Variants in HK1 observed in about 807,000 individuals in gnomAD.
HK1 encodes the protein hexokinase-1.
Under a neutral mutation model 91.6 loss-of-function variants are expected in HK1, and 28 were observed. That is an observed-to-expected ratio of 0.31 (90% CI 0.23 to 0.42). HK1 has a LOEUF of 0.42. HK1 is among the 10% of genes least tolerant of loss of function. The pLI is 1.00. For synonymous variants in HK1, 430 were observed against 468.1 expected, an observed-to-expected ratio of 0.92 and a Z score of 1.05; for missense variants, 770 against 1,219.8, an observed-to-expected ratio of 0.63 and a Z score of 5.49.
upstream of HK1, among the ~76,000 whole-genome samples, chr10:69,317,863 CA>C: frequency 6.6e-6 from 1 of 152,354 alleles, no homozygotes; most frequent in Admixed American, 6.5e-5. Context: ...GCTTCCGGAA[CA>C]CAGAAATAAT....
At chr10:69,346,582 G>A (rs1848574780) in intron 2 of HK1, among the ~76,000 whole-genome samples, 1 of 151,612 alleles carries the variant, frequency 6.6e-6, no homozygotes, top group South Asian at 2.1e-4. Context: ...ATGTTGCCCA[G>A]ACTGGTCTTG....
chr10:69,323,194 A>G (rs573525665), intron 1 of HK1, among the ~76,000 whole-genome samples: 2 of 151,330 alleles, frequency 1.3e-5, no homozygotes, highest in South Asian at 2.1e-4. Flanking sequence ...TGCATGAGCC[A>G]GGATCATGCC....
At chr10:69,276,309 G>C (rs1477490242) in intron 1 of HK1, among the ~76,000 whole-genome samples, 1 of 151,646 alleles carries the variant, frequency 6.6e-6, no homozygotes, top group Non-Finnish European at 1.5e-5. Context: ...ATTTGTCAGA[G>C]TATTTCTGTA....
At chr10:69,330,648 C>T (rs941330370) in intron 1 of HK1, among the ~76,000 whole-genome samples, 3 of 152,026 alleles carry the variant, frequency 2.0e-5, no homozygotes, top group Admixed American at 1.3e-4. Flanking sequence ...CCCTTCTTCC[C>T]TGATGCAGAC....
At chr10:69,295,354 C>T (rs935790814) in intron 3 of HK1, among the ~76,000 whole-genome samples, 1 of 152,210 alleles carries the variant, frequency 6.6e-6, no homozygotes, top group Non-Finnish European at 1.5e-5. Context: ...CCACGGTTGT[C>T]TTTCATCTTG....
chr10:69,275,259 G>A (rs574274431), intron 1 of HK1, among the ~76,000 whole-genome samples: 5 of 150,396 alleles, frequency 3.3e-5, no homozygotes, highest in African/African-American at 1.2e-4. Flanking sequence ...GGTGGCTCAC[G>A]CCTGTAATCT....
At chr10:69,313,743 C>T (rs1288292711), upstream of HK1, among the ~76,000 whole-genome samples, 2 of 152,170 alleles carry the variant, frequency 1.3e-5, no homozygotes, top group African/African-American at 2.4e-5. Flanking sequence ...GATCCGTCTG[C>T]CTCAGCCTCC....
At chr10:69,284,571 C>T (rs768602402) in intron 2 of HK1, among the ~76,000 whole-genome samples, 13 of 152,074 alleles carry the variant, frequency 8.5e-5, no homozygotes, top group Middle Eastern at 3.2e-3. Context: ...CCCAGCACTT[C>T]GGGAAGCTGA....
intron 3 of HK1, among the ~76,000 whole-genome samples, chr10:69,294,060 A>G (rs905996899): frequency 7.2e-5 from 11 of 151,750 alleles, no homozygotes; most frequent in African/African-American, 2.7e-4. Flanking sequence ...ACGGGGTTTC[A>G]CCGTGTTAGC....
chr10:69,391,380 G>T (rs901308963), intron 14 of HK1, among the ~76,000 whole-genome samples: 1 of 152,240 alleles, frequency 6.6e-6, no homozygotes, highest in South Asian at 2.1e-4. Context: ...TGGTGCCCAC[G>T]CCTGTAATCC....
At chr10:69,361,722 A>G (rs1849428603) in intron 3 of HK1, among the ~76,000 whole-genome samples, 2 of 152,094 alleles carry the variant, frequency 1.3e-5, no homozygotes, top group South Asian at 4.2e-4. Context: ...TTTATTTCCT[A>G]CTGTCTCTGT....
At chr10:69,358,755 C>T (rs1469920451) in intron 2 of HK1, among the ~76,000 whole-genome samples, 2 of 151,404 alleles carry the variant, frequency 1.3e-5, no homozygotes, top group African/African-American at 2.4e-5. Flanking sequence ...CCCAGCTACT[C>T]GGGAAGCTGA....
intron 5 of HK1, among the ~76,000 whole-genome samples, chr10:69,310,335 C>T (rs762520167): frequency 1.2e-4 from 18 of 149,980 alleles, no homozygotes; most frequent in East Asian, 2.0e-4. Context: ...GCATGAGAAT[C>T]GCCTGAACCC....
intron 2 of HK1, among the ~76,000 whole-genome samples, chr10:69,287,611 C>G (rs1315298030): frequency 6.6e-6 from 1 of 152,014 alleles, no homozygotes; most frequent in Middle Eastern, 3.2e-3. Flanking sequence ...GGGGAAGGAT[C>G]GAATGAGAAT....
intron 5 of HK1, among the ~76,000 whole-genome samples, chr10:69,304,635 G>C (rs187726232): frequency 6.6e-6 from 1 of 152,252 alleles, no homozygotes; most frequent in Non-Finnish European, 1.5e-5. Context: ...TATAAACTAA[G>C]TTCCTCCCAA....
At position 69,401,286 on chromosome 10, in the gene HK1, T is replaced by C; in HGVS notation, c.*151T>C. ...AAAATCCAACTAATGGTATATATTGTAGGGTACAGAATAGAGCGTGTGCTG... is the reference window on the plus strand; with the variant it reads ...AAAATCCAACTAATGGTATATATTGCAGGGTACAGAATAGAGCGTGTGCTG... On this transcript the variant is annotated 3_prime_UTR_variant, in exon 18 of 18. Transcript: ENST00000359426. 4.9e-6 allele frequency: 4 copies of C among 818,784 alleles called. No individual in the cohort carries two copies. The highest frequency in any genetic ancestry group is 4.0e-6 in the Non-Finnish European group (2 of 499,792). 50.7% of individuals were successfully genotyped at this position (818,784 alleles called of 1,614,324 possible).
intron 2 of HK1, among the ~76,000 whole-genome samples, chr10:69,353,740 G>A (rs1848998626): frequency 6.6e-6 from 1 of 152,012 alleles, no homozygotes; most frequent in Admixed American, 6.5e-5. Flanking sequence ...GGAAACTCCT[G>A]CCCTTTCTCC....
At chr10:69,328,419 A>G (rs1847504081) in intron 1 of HK1, among the ~76,000 whole-genome samples, 1 of 152,146 alleles carries the variant, frequency 6.6e-6, no homozygotes, top group Admixed American at 6.5e-5. Context: ...GTCTTATTTA[A>G]TCATTTCTAG....
intron 2 of HK1, among the ~76,000 whole-genome samples, chr10:69,354,683 C>A (rs1245826042): frequency 6.6e-6 from 1 of 152,076 alleles, no homozygotes; most frequent in East Asian, 1.9e-4. Context: ...TCCCTGTGAC[C>A]AGGCAGCTAA....
Sources: gnomAD v4.1 joint callset for allele counts (sites outside exome capture counted in the v4.1 genomes callset) on GRCh38, gnomAD v4.1.1 for gene constraint, MANE v1.5 for transcripts, NCBI Gene and HGNC (gene_info 2026-07-23, HGNC 2026-07-21) for gene names.